MSR1: variants seen among roughly 807,000 people sequenced by gnomAD.
MSR1 encodes macrophage scavenger receptor 1, also known as macrophage scavenger receptor types I and II.
In MSR1, 53 loss-of-function variants were observed where a neutral mutation model predicts 47.2. The observed-to-expected ratio is 1.12, with a 90% CI of 0.90 to 1.41. The LOEUF (loss-of-function observed/expected upper bound fraction) is 1.41, where lower values mean the gene tolerates loss of function less well. Among genes scored for constraint, MSR1 ranks in the 40% most tolerant of loss-of-function variants. MSR1 has a pLI of 0.00. For missense variants in MSR1, 786 were observed against 546.9 expected, an observed-to-expected ratio of 1.44 and a Z score of -4.36; for synonymous variants, 239 against 185.6, an observed-to-expected ratio of 1.29 and a Z score of -2.34.
chr8:16,128,050 G>C (rs199642430), intron 8 of MSR1, among the ~76,000 whole-genome samples: 2 of 152,092 alleles, frequency 1.3e-5, no homozygotes, highest in Non-Finnish European at 1.5e-5. Context: ...GTAAACAAAA[G>C]TGAAATTGTT....
At chr8:16,161,678 C>A (rs941016156) in intron 5 of MSR1, among the ~76,000 whole-genome samples, 6 of 151,728 alleles carry the variant, frequency 4.0e-5, no homozygotes. Flanking sequence ...AATTTTAAAA[C>A]AATGATTATA....
intron 9 of MSR1, among the ~76,000 whole-genome samples, chr8:16,116,594 T>A (rs1799880770): frequency 1.3e-5 from 2 of 151,076 alleles, no homozygotes; most frequent in East Asian, 1.9e-4. Flanking sequence ...TATTTAAGTT[T>A]AAAAAAAACC....
intron 8 of MSR1, among the ~76,000 whole-genome samples, chr8:16,123,904 G>C (rs1431302884): frequency 6.6e-6 from 1 of 152,026 alleles, no homozygotes; most frequent in Non-Finnish European, 1.5e-5. Flanking sequence ...TCTTTCTGTA[G>C]GTTGCTTTAT....
chr8:16,174,623 T>A (rs1801586439), intron 3 of MSR1, among the ~76,000 whole-genome samples: 1 of 152,170 alleles, frequency 6.6e-6, no homozygotes, highest in Admixed American at 6.5e-5. Flanking sequence ...TTAGAGATAT[T>A]TTAAATAATA....
At chr8:16,161,223 A>T (rs914093522) in intron 5 of MSR1, among the ~76,000 whole-genome samples, 12 of 151,844 alleles carry the variant, frequency 7.9e-5, no homozygotes, top group African/African-American at 2.4e-5. Flanking sequence ...AATGGATTAC[A>T]TAGAGAATGA....
Position 16,177,881 on chromosome 8 carries a change from C to G in MSR1, c.103+5G>C, listed in dbSNP as rs891358168. 1 of 1,613,068 alleles carries G rather than the reference C, an allele frequency of 6.2e-7. No individual in the cohort carries two copies. Among genetic ancestry groups the G allele is most frequent in the Non-Finnish European group, 8.5e-7 (1 of 1,179,144 alleles). ...TCCATGGGCAGCCCATCCCCCTCTA[C>G]TTACTCGGAGGAAGCAAAGCTGTCA... On this transcript the variant is annotated splice_donor_5th_base_variant and intron_variant, in intron 2 of 9. Transcript: ENST00000262101.
intron 5 of MSR1, among the ~76,000 whole-genome samples, chr8:16,162,393 T>C (rs574799237): frequency 2.6e-5 from 4 of 152,180 alleles, no homozygotes; most frequent in Non-Finnish European, 2.9e-5. Context: ...CCAAAAGATA[T>C]ACTTCAGGCA....
At chr8:16,185,411 T>C (rs2117232522) in intron 1 of MSR1, among the ~76,000 whole-genome samples, 1 of 152,292 alleles carries the variant, frequency 6.6e-6, no homozygotes, top group East Asian at 1.9e-4. Flanking sequence ...ACTTTTCTTT[T>C]TCCAGGATTT....
intron 8 of MSR1, among the ~76,000 whole-genome samples, chr8:16,130,950 A>G (rs1409023814): frequency 6.6e-6 from 1 of 152,014 alleles, no homozygotes; most frequent in Non-Finnish European, 1.5e-5. Flanking sequence ...ATATGAGAGT[A>G]TGTGTTTTTA....
intron 8 of MSR1, among the ~76,000 whole-genome samples, chr8:16,128,145 T>C (rs906303836): frequency 1.3e-5 from 2 of 152,070 alleles, no homozygotes; most frequent in Non-Finnish European, 2.9e-5. Context: ...TACAGAAACA[T>C]AGACAAAGAA....
chr8:16,122,595 T>A (rs1166621914), intron 8 of MSR1, among the ~76,000 whole-genome samples: 3 of 152,030 alleles, frequency 2.0e-5, no homozygotes, highest in African/African-American at 4.8e-5. Flanking sequence ...TCTCAAAGAA[T>A]AATATGCAGC....
chr8:16,140,122 C>G (rs1800514318), intron 8 of MSR1: 4 of 984,196 alleles, frequency 4.1e-6, no homozygotes, highest in Admixed American at 6.2e-5. Context: ...TATGACATCC[C>G]TATCTCTGGT....
At chr8:16,188,542 G>A (rs1025551881) in intron 1 of MSR1, among the ~76,000 whole-genome samples, 7 of 151,860 alleles carry the variant, frequency 4.6e-5, no homozygotes, top group African/African-American at 1.7e-4. Context: ...CGTGCAGAAC[G>A]TGCAGGTTTG....
Position 16,174,278 on chromosome 8 carries a change from G to C in MSR1, c.217+909C>G, listed in dbSNP as rs531333380. Reference sequence around the variant, plus strand: ...TTTGTTGTTGTTGTTAAACTGCTTAGTATGCACATAAAAATGTATCTTATT... The same window carrying C: ...TTTGTTGTTGTTGTTAAACTGCTTACTATGCACATAAAAATGTATCTTATT... On this transcript the variant is annotated intron_variant, in intron 3 of 9. Transcript: ENST00000262101. 1.1e-4 allele frequency among the ~76,000 whole-genome samples: 16 copies of C among 152,070 alleles called. No homozygotes were observed. In the South Asian group the frequency reaches 3.3e-3, roughly 31 times the overall value.
intron 5 of MSR1, 110 bp downstream of exon 5, chr8:16,163,955 C>G (rs930555365): frequency 2.3e-6 from 2 of 870,120 alleles, no homozygotes; most frequent in African/African-American, 3.4e-5. Context: ...TAAATGTAAG[C>G]TCAGAAACTA....
rs536722892 is a variant in MSR1, at chr8:16,143,558, T to G, written c.1033A>C (p.Thr345Pro). ...AGAAAACAAAATACTATATACTTAC[T>G]TAATGTGTTTCCACTCCCCTTTTCC... ...KGEKGSGNTL[T>P]PFTKVRLVGG... Residue 345 changes from threonine to proline, a missense_variant and splice_region_variant, in exon 8 of 10, where the codon ACT becomes CCT. Transcript: ENST00000262101. The G allele has an allele frequency of 6.2e-7, 1 of 1,611,276 alleles. No individual in the cohort carries two copies. Among genetic ancestry groups the G allele is most frequent in the South Asian group, 1.1e-5 (1 of 91,018 alleles).
At position 16,120,616 on chromosome 8, in the gene MSR1, T is replaced by TAAAAAAA. The variant is rs60866666; in HGVS notation, c.1034-17_1034-11dup. The TAAAAAAA allele has an allele frequency of 4.7e-4, 564 of 1,197,710 alleles. 2 individuals are homozygous for TAAAAAAA. Among genetic ancestry groups the TAAAAAAA allele is most frequent in the Admixed American group, 1.7e-3 (45 of 26,428 alleles). The allele number at this position is 1,197,710 out of a possible 1,614,324, so 74.2% of individuals were successfully genotyped here. On this transcript the variant is annotated splice_polypyrimidine_tract_variant and intron_variant, in intron 8 of 9. Coordinates refer to ENST00000262101, the MANE Select transcript of MSR1 (RefSeq NM_138715.3). ...ACTTTCGTAAATGGAGCTGTAAAGT[T>TAAAAAAA]AAAAAAAAAAAAAAAAAAAAAAAAA...
intron 5 of MSR1, among the ~76,000 whole-genome samples, chr8:16,157,940 T>G (rs1313416166): frequency 6.6e-6 from 1 of 152,120 alleles, no homozygotes; most frequent in Non-Finnish European, 1.5e-5. Flanking sequence ...TAACCTATTC[T>G]GTCATATTAT....
At chr8:16,137,942 T>C (rs961157272) in intron 8 of MSR1, among the ~76,000 whole-genome samples, 7 of 151,480 alleles carry the variant, frequency 4.6e-5, no homozygotes, top group African/African-American at 1.7e-4. Flanking sequence ...CAGGGAGCTA[T>C]GGTCGTGCCA....
Sources: allele counts gnomAD v4.1 joint callset (sites outside exome capture counted in the v4.1 genomes callset), GRCh38; gene constraint gnomAD v4.1.1; transcripts MANE v1.5; gene names NCBI Gene and HGNC (gene_info 2026-07-23, HGNC 2026-07-21).